Variants in PTPRD observed in about 807,000 individuals in gnomAD.
PTPRD encodes the protein receptor-type tyrosine-protein phosphatase delta.
PTPRD carries 34 observed loss-of-function variants against 214.5 expected under a neutral mutation model. The ratio of observed to expected loss-of-function variants is 0.16; its 90% confidence interval spans 0.12 to 0.21. The LOEUF (loss-of-function observed/expected upper bound fraction) is 0.21, where lower values mean the gene tolerates loss of function less well. Ranked by LOEUF, PTPRD falls within the 10% of genes least tolerant of loss-of-function variation. The pLI, the probability that PTPRD is intolerant of heterozygous loss-of-function variation, is 1.00. For missense variants in PTPRD, 2,545 were observed against 2,398.7 expected (o/e 1.06, Z -1.27); for synonymous variants, 1,128 against 845.7 (o/e 1.33, Z -5.79).
chr9:9,551,054 T>C (rs1432175207), intron 8 of PTPRD, among the ~76,000 whole-genome samples: 1 of 151,978 alleles, frequency 6.6e-6, no homozygotes, highest in African/African-American at 2.4e-5. Context: ...AATTTAATCA[T>C]GTAAATACTA....
chr9:8,906,771 G>C (rs1297463735), intron 11 of PTPRD, among the ~76,000 whole-genome samples: 1 of 151,884 alleles, frequency 6.6e-6, no homozygotes, highest in Non-Finnish European at 1.5e-5. Context: ...CCTAAATTGT[G>C]GTCTTTTCGG....
chr9:9,695,285 G>T lies in PTPRD; in HGVS notation c.-287+39248C>A, dbSNP rs11789613. Among the ~76,000 whole-genome samples the T allele has an allele frequency of 8.0e-3, 1,215 of 152,230 alleles. 7 individuals are homozygous for T. Among genetic ancestry groups the T allele is most frequent in the Non-Finnish European group, 0.013 (897 of 68,004 alleles). ...CTATGTCCTCACAACTCTGCCCAGT[G>T]CCCTATCCTACTGTGACTGAGCTGG... On this transcript the variant is annotated intron_variant, in intron 7 of 45. Transcript: ENST00000381196.
intron 2 of PTPRD, among the ~76,000 whole-genome samples, chr9:10,400,607 T>C (rs2098253740): frequency 3.3e-5 from 5 of 151,664 alleles, no homozygotes; most frequent in Admixed American, 2.6e-4. Flanking sequence ...AAATGGAATA[T>C]TGTTGAAAAT....
chr9:10,333,555 G>C (rs1272076264), intron 3 of PTPRD, among the ~76,000 whole-genome samples: 3 of 151,748 alleles, frequency 2.0e-5, no homozygotes, highest in Non-Finnish European at 2.9e-5. Flanking sequence ...TTTCATTTTT[G>C]AGGGGTTTGA....
intron 3 of PTPRD, among the ~76,000 whole-genome samples, chr9:10,293,429 G>C (rs1250595964): frequency 1.3e-5 from 2 of 151,866 alleles, no homozygotes; most frequent in Non-Finnish European, 1.5e-5. Context: ...AGGAGATCCA[G>C]CATTTGATAT....
chr9:9,697,928 T>G (rs575127088), intron 7 of PTPRD, among the ~76,000 whole-genome samples: 39 of 152,318 alleles, frequency 2.6e-4, no homozygotes, highest in Admixed American at 1.0e-3. Flanking sequence ...TCCATTCTGC[T>G]ATTGAGAGAC....
intron 2 of PTPRD, among the ~76,000 whole-genome samples, chr9:10,428,901 A>G (rs2098650796): frequency 6.6e-6 from 1 of 152,000 alleles, no homozygotes. Flanking sequence ...ACATGGCCCT[A>G]GACAACTCAC....
At chr9:10,504,788 G>C (rs1397924899) in intron 2 of PTPRD, among the ~76,000 whole-genome samples, 1 of 152,098 alleles carries the variant, frequency 6.6e-6, no homozygotes, top group Non-Finnish European at 1.5e-5. Flanking sequence ...CCTAATTCAT[G>C]TCCTTTTTCA....
chr9:10,277,097 C>A (rs1258151909), intron 3 of PTPRD, among the ~76,000 whole-genome samples: 2 of 152,114 alleles, frequency 1.3e-5, no homozygotes, highest in Admixed American at 6.5e-5. Context: ...ATGTTTATAG[C>A]CTAGTTATAG....
intron 11 of PTPRD, among the ~76,000 whole-genome samples, chr9:8,960,013 T>A (rs1414352352): frequency 6.6e-6 from 1 of 152,018 alleles, no homozygotes; most frequent in Non-Finnish European, 1.5e-5. Context: ...AGTATAACGG[T>A]TGATTTTACA....
intron 8 of PTPRD, among the ~76,000 whole-genome samples, chr9:9,532,114 T>A (rs1005767730): frequency 2.0e-5 from 3 of 151,876 alleles, no homozygotes; most frequent in South Asian, 2.1e-4. Flanking sequence ...CTTAAAAAAA[T>A]TAAAATCTAA....
At chr9:8,996,425 C>A (rs13285582) in intron 11 of PTPRD, among the ~76,000 whole-genome samples, 1 of 151,862 alleles carries the variant, frequency 6.6e-6, no homozygotes, top group African/African-American at 2.4e-5. Context: ...AAAAGAAAAA[C>A]GTAGGGGCAG....
At chr9:8,913,111 A>G (rs2098759277) in intron 11 of PTPRD, among the ~76,000 whole-genome samples, 1 of 151,700 alleles carries the variant, frequency 6.6e-6, no homozygotes, top group Non-Finnish European at 1.5e-5. Flanking sequence ...CTTCAACATA[A>G]ATACCACAGA....
intron 10 of PTPRD, among the ~76,000 whole-genome samples, chr9:9,070,390 A>G (rs2099742066): frequency 6.6e-5 from 10 of 152,158 alleles, no homozygotes; most frequent in Admixed American, 6.5e-4. Flanking sequence ...ATATGTTCCC[A>G]TTCTCATTTT....
At chr9:9,747,728 T>G (rs926322051) in intron 6 of PTPRD, among the ~76,000 whole-genome samples, 3 of 152,018 alleles carry the variant, frequency 2.0e-5, no homozygotes, top group African/African-American at 7.2e-5. Context: ...TTTGTGTGTA[T>G]TTTTAGTAGA....
At chr9:10,175,309 G>A (rs1242823153) in intron 3 of PTPRD, among the ~76,000 whole-genome samples, 1 of 151,982 alleles carries the variant, frequency 6.6e-6, no homozygotes, top group South Asian at 2.1e-4. Context: ...AGGATTAGAA[G>A]TCATGTTAAG....
chr9:10,409,203 C>T (rs2098408784), intron 2 of PTPRD, among the ~76,000 whole-genome samples: 1 of 151,756 alleles, frequency 6.6e-6, no homozygotes, highest in Admixed American at 6.6e-5. Context: ...TTCTGTTATG[C>T]ATATAGAGTA....
At chr9:9,095,425 G>T (rs982634193) in intron 10 of PTPRD, among the ~76,000 whole-genome samples, 1 of 152,174 alleles carries the variant, frequency 6.6e-6, no homozygotes, top group Non-Finnish European at 1.5e-5. Flanking sequence ...AAAATCAAAT[G>T]TATTTCAGTT....
At chr9:8,675,461 C>G (rs2097383710) in intron 12 of PTPRD, among the ~76,000 whole-genome samples, 2 of 141,366 alleles carry the variant, frequency 1.4e-5, no homozygotes, top group African/African-American at 5.4e-5. Flanking sequence ...CTATGTAATC[C>G]TGTATTTCTT....
Sources: allele counts gnomAD v4.1 joint callset (sites outside exome capture counted in the v4.1 genomes callset), GRCh38; gene constraint gnomAD v4.1.1; transcripts MANE v1.5; gene names NCBI Gene and HGNC (gene_info 2026-07-23, HGNC 2026-07-21).